FAM193A: variants seen among roughly 807,000 people sequenced by gnomAD.
FAM193A encodes family with sequence similarity 193 member A.
Under a neutral mutation model 126.5 loss-of-function variants are expected in FAM193A, and 22 were observed. The observed-to-expected ratio is 0.17, with a 90% CI of 0.12 to 0.25. The LOEUF is 0.25. FAM193A is among the 10% of genes least tolerant of loss of function. The probability of loss-of-function intolerance (pLI) is 1.00; values close to 1 mark genes in which losing one functional copy is unlikely to be tolerated. For synonymous variants in FAM193A, 761 were observed against 646.8 expected, an observed-to-expected ratio of 1.18 and a Z score of -2.68; for missense variants, 1,675 against 1,672.8, an observed-to-expected ratio of 1.00 and a Z score of -0.02.
intron 12 of FAM193A, 23 bp from the exon 13 acceptor site, chr4:2,672,096 GTA>G (rs1370035384): frequency 6.2e-7 from 1 of 1,610,508 alleles, no homozygotes; most frequent in Non-Finnish European, 8.5e-7. Context: ...CACTAAATAG[GTA>G]TGTTTTTTTT....
intron 8 of FAM193A, among the ~76,000 whole-genome samples, chr4:2,658,703 C>T (rs889837401): frequency 2.0e-5 from 3 of 152,170 alleles, no homozygotes; most frequent in Admixed American, 6.5e-5. Context: ...AGTGTTGTGG[C>T]ATGCTTACCT....
chr4:2,695,847 C>G (rs1716972072), intron 17 of FAM193A, among the ~76,000 whole-genome samples: 1 of 152,138 alleles, frequency 6.6e-6, no homozygotes, highest in Admixed American at 6.5e-5. Context: ...GGGAGGATCT[C>G]TTGAGCCCAG....
At chr4:2,658,477 G>A (rs1259219456) in intron 8 of FAM193A, among the ~76,000 whole-genome samples, 1 of 152,116 alleles carries the variant, frequency 6.6e-6, no homozygotes, top group African/African-American at 2.4e-5. Flanking sequence ...GGGGCCCTTG[G>A]CTTCATCTGG....
intron 2 of FAM193A, among the ~76,000 whole-genome samples, chr4:2,612,948 A>G (rs1741965098): frequency 6.6e-6 from 1 of 152,242 alleles, no homozygotes; most frequent in South Asian, 2.1e-4. Context: ...GTCAGTTTCT[A>G]CAGAAAAGCC....
chr4:2,731,989 C>T lies in FAM193A; in HGVS notation c.*121C>T. ...TGCCAAGGGCTGTGCGGAGCTGGTGCTGCCTGAAACCCCAGACCGAGAAGT... is the reference window on the plus strand; with the variant it reads ...TGCCAAGGGCTGTGCGGAGCTGGTGTTGCCTGAAACCCCAGACCGAGAAGT... On this transcript the variant is annotated 3_prime_UTR_variant, in exon 21 of 21. Transcript: ENST00000637812. The T allele has an allele frequency of 2.6e-6, 2 of 777,950 alleles. No homozygotes were observed. Among genetic ancestry groups the T allele is most frequent in the Non-Finnish European group, 4.5e-6 (2 of 447,090 alleles). 48.2% of individuals were successfully genotyped at this position (777,950 alleles called of 1,614,324 possible).
intron 20 of FAM193A, among the ~76,000 whole-genome samples, chr4:2,730,203 C>T (rs540691043): frequency 1.2e-4 from 18 of 150,992 alleles, no homozygotes; most frequent in Admixed American, 2.0e-4. Flanking sequence ...CCACCATGGC[C>T]AGCTTCAGAT....
intron 20 of FAM193A, among the ~76,000 whole-genome samples, chr4:2,725,274 G>A (rs930329500): frequency 1.3e-5 from 2 of 151,500 alleles, no homozygotes; most frequent in South Asian, 2.1e-4. Flanking sequence ...ACAGCAAGAC[G>A]TCATCTCTAC....
Position 2,686,451 on chromosome 4 carries a change from A to G in FAM193A, c.2332-3055A>G, listed in dbSNP as rs762426173. Reference sequence around the variant, plus strand: ...TTCAAAGAGTTCACAGTCTAAAGAGAAGACAAAAACATAATCAAAATATCA... The same window carrying G: ...TTCAAAGAGTTCACAGTCTAAAGAGGAGACAAAAACATAATCAAAATATCA... On this transcript the variant is annotated intron_variant, in intron 13 of 20. Transcript: ENST00000637812. 5.1e-4 allele frequency among the ~76,000 whole-genome samples: 77 copies of G among 152,226 alleles called. 1 individual carries two copies. Among genetic ancestry groups the G allele is most frequent in the Non-Finnish European group, 1.5e-4 (10 of 68,042 alleles).
Position 2,696,610 on chromosome 4 carries a change from A to G in FAM193A, c.3507+17A>G. On this transcript the variant is annotated intron_variant, in intron 18 of 20. Coordinates refer to ENST00000637812, the MANE Select transcript of FAM193A (RefSeq NM_001366318.2). The stretch of plus-strand genomic sequence containing the variant: ...CAAAGGAAGGCAAGTGACAGTTCTC[A>G]GCACCTGGAGGCGCCAGGTCTGAGG... 1 of 1,600,942 alleles carries G rather than the reference A, an allele frequency of 6.2e-7. No homozygotes were observed. The highest frequency in any genetic ancestry group is 8.6e-7 in the Non-Finnish European group (1 of 1,168,390).
At chr4:2,696,258 A>G (rs1007021018) in intron 17 of FAM193A, 105 bp from the exon 18 acceptor site, 4 of 738,494 alleles carry the variant, frequency 5.4e-6, no homozygotes, top group Non-Finnish European at 6.6e-6. Flanking sequence ...CACAACAAAT[A>G]TATACTACTT....
chr4:2,700,263 A>T lies in FAM193A; in HGVS notation c.4091A>T (p.Gln1364Leu). ...GAGCCCCCCAAGGCCACAGAGGGGC[A>T]GTCCAAGCCCCGGGCCCAGACTGAG... is the stretch of plus-strand genomic sequence containing the variant. The part of the protein sequence containing the change: ...PTEPPKATEG[Q>L]SKPRAQTESK... Residue 1364 changes from glutamine to leucine, a missense_variant, in exon 19 of 21, where the codon CAG becomes CTG. Around this residue, in one of 4 missense-constraint regions of FAM193A, gnomAD observed 415 missense variants for 396.7 expected, o/e 1.05. Transcript: ENST00000637812. The T allele has an allele frequency of 1.2e-6, 2 of 1,614,088 alleles. No homozygotes were observed. Among genetic ancestry groups the T allele is most frequent in the Admixed American group, 1.7e-5 (1 of 59,998 alleles).
At chr4:2,728,510 T>C (rs1037536586) in intron 20 of FAM193A, among the ~76,000 whole-genome samples, 5 of 152,064 alleles carry the variant, frequency 3.3e-5, no homozygotes, top group African/African-American at 1.2e-4. Context: ...TTAGAAAATA[T>C]GGCCTGACAG....
intron 13 of FAM193A, among the ~76,000 whole-genome samples, chr4:2,686,199 TCCCTAC>T (rs1390616840): frequency 6.6e-6 from 1 of 152,246 alleles, no homozygotes; most frequent in Non-Finnish European, 1.5e-5. Context: ...GTTACTTTTG[TCCCTAC>T]AACTGGGCTT....
At chr4:2,611,118 A>G (rs1290838750) in intron 2 of FAM193A, among the ~76,000 whole-genome samples, 3 of 152,150 alleles carry the variant, frequency 2.0e-5, no homozygotes, top group Non-Finnish European at 4.4e-5. Flanking sequence ...CTATAGGGTA[A>G]GTGCTTATAC....
At chr4:2,544,044 A>G (rs908237208) in intron 1 of FAM193A, among the ~76,000 whole-genome samples, 2 of 152,126 alleles carry the variant, frequency 1.3e-5, no homozygotes, top group Non-Finnish European at 2.9e-5. Flanking sequence ...GACCACGGTG[A>G]AATTAGGTTA....
At chr4:2,656,664 G>C (rs1711723196) in intron 7 of FAM193A, among the ~76,000 whole-genome samples, 1 of 152,202 alleles carries the variant, frequency 6.6e-6, no homozygotes, top group Non-Finnish European at 1.5e-5. Context: ...GTCCCCACTT[G>C]GGTCCAACAG....
At chr4:2,659,743 G>A (rs1472011051) in intron 9 of FAM193A, 69 bp from the exon 10 acceptor site, 20 of 1,613,040 alleles carry the variant, frequency 1.2e-5, no homozygotes, top group African/African-American at 4.0e-5. Context: ...GCCTAGAACC[G>A]ACCCTTAGAG....
chr4:2,545,544 A>G (rs572657023), intron 1 of FAM193A, among the ~76,000 whole-genome samples: 3 of 152,166 alleles, frequency 2.0e-5, no homozygotes, highest in African/African-American at 4.8e-5. Flanking sequence ...GGACATGAGC[A>G]CTCAGTTGGT....
At chr4:2,571,831 C>T (rs1051825294) in intron 1 of FAM193A, among the ~76,000 whole-genome samples, 2 of 151,478 alleles carry the variant, frequency 1.3e-5, no homozygotes, top group African/African-American at 4.8e-5. Flanking sequence ...TGAGCCACAG[C>T]GCTCTGCCTA....
Sources: allele counts gnomAD v4.1 joint callset (sites outside exome capture counted in the v4.1 genomes callset), GRCh38; gene constraint gnomAD v4.1.1; regional missense constraint gnomAD v4.1.1; transcripts MANE v1.5; gene names NCBI Gene and HGNC (gene_info 2026-07-23, HGNC 2026-07-21).